SLC12A7: variants seen among roughly 807,000 people sequenced by gnomAD.
SLC12A7 encodes the protein solute carrier family 12 member 7.
Under a neutral mutation model 120.6 loss-of-function variants are expected in SLC12A7, and 100 were observed. The observed-to-expected ratio is 0.83, with a 90% CI of 0.71 to 0.98. SLC12A7 has a LOEUF of 0.98. Among genes scored for constraint, SLC12A7 ranks in the 50% least tolerant of loss-of-function variants. SLC12A7 has a pLI of 0.00. For missense variants in SLC12A7, 1,373 were observed against 1,548.1 expected (o/e 0.89, Z 1.90); for synonymous variants, 760 against 678.0 (o/e 1.12, Z -1.88).
intron 1 of SLC12A7, among the ~76,000 whole-genome samples, chr5:1,105,231 G>C (rs1430373364): frequency 1.3e-5 from 2 of 149,072 alleles, no homozygotes; most frequent in Admixed American, 6.6e-5. Flanking sequence ...GCAGGGATGA[G>C]GTCCTGCAGT....
At chr5:1,135,804 G>A in the SLC12A7 span, among the ~76,000 whole-genome samples, 6 of 152,328 alleles carry the variant, frequency 3.9e-5, no homozygotes, top group South Asian at 1.2e-3. Flanking sequence ...GCAGAGGAGT[G>A]CAGTTTCACA....
At chr5:1,078,501 T>C (rs2150839200) in intron 11 of SLC12A7, 200 bp downstream of exon 11, 1 of 628,592 alleles carries the variant, frequency 1.6e-6, no homozygotes, top group Non-Finnish European at 2.9e-6. Context: ...GAGTTGGCTC[T>C]GAACGGTTCC....
In SLC12A7 at chr5:1,052,232, T is replaced by G. The variant is rs770277712; in HGVS notation, c.*128A>C. 12 of 798,812 alleles carry G rather than the reference T, an allele frequency of 1.5e-5. No individual in the cohort carries two copies. The highest frequency in any genetic ancestry group is 7.5e-5 in the Admixed American group (4 of 52,996). 49.5% of individuals were successfully genotyped at this position (798,812 alleles called of 1,614,324 possible). A position where few individuals can be genotyped will look rare whatever the true frequency, so the allele number is the denominator to read the frequency against. On this transcript the variant is annotated 3_prime_UTR_variant, in exon 24 of 24. Transcript: ENST00000264930. ...CTAGAAACTTCCGTAGGAAGCCCCA[T>G]GGGCAGCTTGGGCGGCATCACTGGG...
the SLC12A7 span, among the ~76,000 whole-genome samples, chr5:1,132,593 A>AG: frequency 6.6e-6 from 1 of 151,738 alleles, no homozygotes; most frequent in Non-Finnish European, 1.5e-5. Flanking sequence ...CTTCCCTTCC[A>AG]GGGGGCCCTG....
At chr5:1,097,212 C>T (rs1741352864) in intron 1 of SLC12A7, among the ~76,000 whole-genome samples, 1 of 152,176 alleles carries the variant, frequency 6.6e-6, no homozygotes, top group Admixed American at 6.5e-5. Flanking sequence ...TATCTGAACT[C>T]CTACGAACTG....
rs114700430 is a variant in SLC12A7 at position 1,092,638 on chromosome 5, C to T, written c.342+895G>A. On this transcript the variant is annotated intron_variant, in intron 3 of 23. Coordinates refer to ENST00000264930, the MANE Select transcript of SLC12A7 (RefSeq NM_006598.3). The stretch of plus-strand genomic sequence containing the variant: ...GGGGGGCACAGGCTCGGGGCTGACT[C>T]GGGAAATGACAATTTTGTGTCAAGA... 9.0e-3 allele frequency among the ~76,000 whole-genome samples: 1,377 copies of T among 152,266 alleles called. 19 individuals carry two copies. Among genetic ancestry groups the T allele is most frequent in the African/African-American group, 0.031 (1,292 of 41,552 alleles).
In SLC12A7 at chr5:1,051,588, C is replaced by T. The variant is rs1293806554; in HGVS notation, c.*772G>A. 1 of 152,316 alleles carries T rather than the reference C, an allele frequency of 6.6e-6. No homozygotes were observed. The highest frequency in any genetic ancestry group is 1.5e-5 in the Non-Finnish European group (1 of 68,132). The allele number at this position is 152,316 out of a possible 1,614,324, so 9.4% of individuals were successfully genotyped here. A position where few individuals can be genotyped will look rare whatever the true frequency, so the allele number is the denominator to read the frequency against. ...TTCTAAAGGTGGATGGAGACTCGGACAGCTGCAAACACAGCCCGGCATGGC... is the reference window on the plus strand; with the variant it reads ...TTCTAAAGGTGGATGGAGACTCGGATAGCTGCAAACACAGCCCGGCATGGC... On this transcript the variant is annotated 3_prime_UTR_variant, in exon 24 of 24. Transcript: ENST00000264930.
chr5:1,144,357 G>GC, the SLC12A7 span, among the ~76,000 whole-genome samples: 1 of 152,250 alleles, frequency 6.6e-6, no homozygotes, highest in Non-Finnish European at 1.5e-5. Flanking sequence ...CTCCGACAAG[G>GC]AGTGGCCCCT....
intron 10 of SLC12A7, among the ~76,000 whole-genome samples, chr5:1,079,119 G>C (rs1738704316): frequency 6.6e-6 from 1 of 152,126 alleles, no homozygotes; most frequent in African/African-American, 2.4e-5. Flanking sequence ...GGCCCAGCCT[G>C]CCGGCGGCAC....
At chr5:1,083,693 G>A (rs111393614) in intron 8 of SLC12A7, 52 bp downstream of exon 8, 22 of 1,555,570 alleles carry the variant, frequency 1.4e-5, no homozygotes, top group Non-Finnish European at 1.7e-5. Context: ...CAGGGCCAGC[G>A]CCTGCTGCCC....
the SLC12A7 span, among the ~76,000 whole-genome samples, chr5:1,149,357 A>G: frequency 6.6e-6 from 1 of 152,166 alleles, no homozygotes; most frequent in Non-Finnish European, 1.5e-5. Context: ...TGGGCAGATC[A>G]CTTGAGGTCA....
chr5:1,133,428 C>A, the SLC12A7 span, among the ~76,000 whole-genome samples: 1 of 152,190 alleles, frequency 6.6e-6, no homozygotes, highest in African/African-American at 2.4e-5. Context: ...GAAACCCTGC[C>A]CTGCTGGTCC....
chr5:1,077,373 C>T (rs1014762317), intron 12 of SLC12A7, among the ~76,000 whole-genome samples: 2 of 152,336 alleles, frequency 1.3e-5, no homozygotes, highest in Middle Eastern at 3.4e-3. Flanking sequence ...GAGCCACAAT[C>T]GGCAGCTCTG....
At chr5:1,089,477 T>C (rs1176713634) in intron 3 of SLC12A7, among the ~76,000 whole-genome samples, 1 of 150,716 alleles carries the variant, frequency 6.6e-6, no homozygotes, top group Non-Finnish European at 1.5e-5. Context: ...CCTGGATGGC[T>C]CAGGGCCTGA....
upstream of SLC12A7, chr5:1,112,103 G>T: frequency 8.8e-7 from 1 of 1,136,090 alleles, no homozygotes; most frequent in Non-Finnish European, 1.1e-6. Context: ...GCCCCGCCCC[G>T]CCCGGGCCAC....
chr5:1,067,315 C>T lies in SLC12A7; in HGVS notation c.2242-1837G>A, dbSNP rs945672159. Among the ~76,000 whole-genome samples, 3 of 152,234 alleles carry T rather than the reference C, an allele frequency of 2.0e-5. No homozygotes were observed. The South Asian group carries it at 6.2e-4, about 32-fold the overall frequency. On this transcript the variant is annotated intron_variant, in intron 17 of 23. Transcript: ENST00000264930. Reference sequence around the variant, plus strand: ...CAGAGAGGCAGAGACCGGCTGGAGGCGGACGCTGCGGGGTGGACACAGCCG... The same window carrying T: ...CAGAGAGGCAGAGACCGGCTGGAGGTGGACGCTGCGGGGTGGACACAGCCG...
chr5:1,076,659 A>AC (rs1738380690), intron 13 of SLC12A7, 35 bp downstream of exon 13: 2 of 1,523,782 alleles, frequency 1.3e-6, no homozygotes, highest in African/African-American at 2.7e-5. Context: ...AGGCCCATAC[A>AC]CCCATCCCCA....
chr5:1,086,451 G>A (rs2150863564), intron 6 of SLC12A7, among the ~76,000 whole-genome samples: 1 of 152,324 alleles, frequency 6.6e-6, no homozygotes, highest in South Asian at 2.1e-4. Flanking sequence ...CTTTGAGCAT[G>A]CCTGTTTTGA....
At chr5:1,056,118 C>T (rs370517198) in intron 22 of SLC12A7, among the ~76,000 whole-genome samples, 2 of 152,120 alleles carry the variant, frequency 1.3e-5, no homozygotes, top group East Asian at 1.9e-4. Flanking sequence ...TAGCTCCTGC[C>T]GAGGGTCCGA....
Sources: allele counts gnomAD v4.1 joint callset (sites outside exome capture counted in the v4.1 genomes callset), GRCh38; gene constraint gnomAD v4.1.1; transcripts MANE v1.5; gene names NCBI Gene and HGNC (gene_info 2026-07-23, HGNC 2026-07-21).